Variants in BBS9 observed in about 807,000 individuals in gnomAD.
The protein encoded by BBS9 is Bardet-Biedl syndrome 9, also known as protein PTHB1.
In BBS9, 89 loss-of-function variants were observed where a neutral mutation model predicts 117.7. The ratio of observed to expected loss-of-function variants is 0.76; its 90% confidence interval spans 0.64 to 0.90. The LOEUF (loss-of-function observed/expected upper bound fraction) is 0.90, where lower values mean the gene tolerates loss of function less well. BBS9 is among the 40% of genes least tolerant of loss of function. The pLI is 0.00. For synonymous variants in BBS9, 379 were observed against 370.9 expected, an observed-to-expected ratio of 1.02 and a Z score of -0.25; for missense variants, 982 against 1,042.2, an observed-to-expected ratio of 0.94 and a Z score of 0.80.
chr7:33,479,338 T>C (rs903184838), intron 19 of BBS9, among the ~76,000 whole-genome samples: 5 of 152,172 alleles, frequency 3.3e-5, no homozygotes, highest in Admixed American at 1.3e-4. Context: ...TAAGAACATA[T>C]GGTATTTAGT....
chr7:33,551,716 A>C (rs1854448391), intron 21 of BBS9, among the ~76,000 whole-genome samples: 1 of 152,184 alleles, frequency 6.6e-6, no homozygotes. Context: ...ATATACAGGG[A>C]AACAAATTTC....
intron 1 of BBS9, among the ~76,000 whole-genome samples, chr7:33,138,488 C>T (rs1584087621): frequency 6.6e-6 from 1 of 151,106 alleles, no homozygotes; most frequent in East Asian, 2.2e-4. Context: ...CAACATTTCT[C>T]ATAAGCTTTT....
At position 33,262,713 on chromosome 7, in the gene BBS9, C is replaced by T. The variant is rs111371212; in HGVS notation, c.618-1577C>T. On this transcript the variant is annotated intron_variant, in intron 6 of 22. Transcript: ENST00000242067. ...CTCCCTGTCATGCATCTCTCCTAAA[C>T]TCCTGTCATGGCCTTTCATGTCTCT... Among the ~76,000 whole-genome samples the T allele has an allele frequency of 4.2e-3, 636 of 152,302 alleles. 7 individuals are homozygous for T. The highest frequency in any genetic ancestry group is 7.5e-3 in the Non-Finnish European group (513 of 68,026).
chr7:33,382,551 T>C (rs1825263145), intron 17 of BBS9, among the ~76,000 whole-genome samples: 1 of 152,142 alleles, frequency 6.6e-6, no homozygotes, highest in Admixed American at 6.5e-5. Flanking sequence ...TTTTACGTAG[T>C]TAAGTGCCTA....
At chr7:33,480,744 A>G (rs1363089381) in intron 19 of BBS9, among the ~76,000 whole-genome samples, 1 of 151,660 alleles carries the variant, frequency 6.6e-6, no homozygotes, top group Non-Finnish European at 1.5e-5. Context: ...AATGAATGTC[A>G]TATGGTTAGG....
At chr7:33,258,837 G>A (rs1385338475) in intron 6 of BBS9, among the ~76,000 whole-genome samples, 1 of 152,186 alleles carries the variant, frequency 6.6e-6, no homozygotes, top group Non-Finnish European at 1.5e-5. Flanking sequence ...GAGAAGTAAT[G>A]TGTAGATTTC....
intron 21 of BBS9, among the ~76,000 whole-genome samples, chr7:33,539,469 T>C (rs1271341401): frequency 2.0e-5 from 3 of 152,220 alleles, no homozygotes; most frequent in Non-Finnish European, 2.9e-5. Context: ...CCATTGTCCT[T>C]ATAACAGGAA....
At chr7:33,299,022 T>C (rs1805832278) in intron 9 of BBS9, among the ~76,000 whole-genome samples, 1 of 152,202 alleles carries the variant, frequency 6.6e-6, no homozygotes, top group African/African-American at 2.4e-5. Context: ...TAGAGAAATT[T>C]TGGAAGATGG....
intron 9 of BBS9, among the ~76,000 whole-genome samples, chr7:33,334,179 T>A (rs1054694863): frequency 6.6e-6 from 1 of 152,226 alleles, no homozygotes; most frequent in South Asian, 2.1e-4. Flanking sequence ...ATGGCTTGTA[T>A]CTAAATTGTT....
intron 20 of BBS9, among the ~76,000 whole-genome samples, chr7:33,530,813 T>G (rs1437416283): frequency 6.6e-6 from 1 of 152,178 alleles, no homozygotes; most frequent in Non-Finnish European, 1.5e-5. Context: ...TTTACTTGTT[T>G]CCTAACTTGC....
intron 1 of BBS9, among the ~76,000 whole-genome samples, chr7:33,145,516 C>A (rs1792198824): frequency 6.6e-6 from 1 of 152,102 alleles, no homozygotes; most frequent in African/African-American, 2.4e-5. Context: ...TGTGAATTTC[C>A]CTCTTCTATC....
chr7:33,154,903 A>G (rs1793882983), intron 3 of BBS9, among the ~76,000 whole-genome samples: 1 of 152,218 alleles, frequency 6.6e-6, no homozygotes, highest in Non-Finnish European at 1.5e-5. Context: ...GAACCAAGTA[A>G]TAGCCACCTC....
chr7:33,394,521 C>CA (rs1172831211), intron 19 of BBS9, among the ~76,000 whole-genome samples: 2 of 152,114 alleles, frequency 1.3e-5, no homozygotes, highest in Non-Finnish European at 2.9e-5. Context: ...ACCTATGTAA[C>CA]AAACCTGCAC....
intron 4 of BBS9, among the ~76,000 whole-genome samples, chr7:33,166,973 T>C (rs1795803827): frequency 6.6e-6 from 1 of 152,234 alleles, no homozygotes. Flanking sequence ...TCAGTCACGC[T>C]GGGAGCTGCA....
intron 19 of BBS9, among the ~76,000 whole-genome samples, chr7:33,424,769 T>A (rs1563158478): frequency 2.0e-5 from 3 of 152,112 alleles, no homozygotes; most frequent in Non-Finnish European, 4.4e-5. Flanking sequence ...AGATTTTTTT[T>A]AATGGAAATG....
chr7:33,519,127 T>G (rs752604570), intron 20 of BBS9, among the ~76,000 whole-genome samples: 7 of 152,212 alleles, frequency 4.6e-5, no homozygotes, highest in Non-Finnish European at 8.8e-5. Flanking sequence ...TGCTTTTCAC[T>G]TAAATCAGTG....
At chr7:33,634,869 T>G (rs1197258878) in intron 21 of BBS9, among the ~76,000 whole-genome samples, 1 of 152,146 alleles carries the variant, frequency 6.6e-6, no homozygotes, top group Non-Finnish European at 1.5e-5. Flanking sequence ...GAAGAGATTT[T>G]CCAGCCACAG....
intron 21 of BBS9, among the ~76,000 whole-genome samples, chr7:33,632,987 T>TC (rs1865965274): frequency 6.6e-6 from 1 of 152,084 alleles, no homozygotes; most frequent in South Asian, 2.1e-4. Flanking sequence ...GGGTGAGTGG[T>TC]CGGCACTCTA....
intron 9 of BBS9, among the ~76,000 whole-genome samples, chr7:33,279,868 C>A (rs1206624261): frequency 2.0e-5 from 3 of 152,132 alleles, no homozygotes; most frequent in Non-Finnish European, 4.4e-5. Flanking sequence ...TCTCAAGTGG[C>A]AAATAAAGAT....
Sources: gnomAD v4.1 joint callset for allele counts (sites outside exome capture counted in the v4.1 genomes callset) on GRCh38, gnomAD v4.1.1 for gene constraint, MANE v1.5 for transcripts, NCBI Gene and HGNC (gene_info 2026-07-23, HGNC 2026-07-21) for gene names.